ENPP6: variants seen among roughly 807,000 people sequenced by gnomAD.
ENPP6 encodes glycerophosphocholine cholinephosphodiesterase ENPP6.
In ENPP6, 32 loss-of-function variants were observed where a neutral mutation model predicts 42.0. That is an observed-to-expected ratio of 0.76 (90% CI 0.58 to 1.02). The LOEUF (loss-of-function observed/expected upper bound fraction) is 1.02. Among genes scored for constraint, ENPP6 ranks in the 50% least tolerant of loss-of-function variants. ENPP6 has a pLI of 0.00. For missense variants in ENPP6, 552 were observed against 566.8 expected, an observed-to-expected ratio of 0.97 and a Z score of 0.27; for synonymous variants, 213 against 216.0, an observed-to-expected ratio of 0.99 and a Z score of 0.12.
intron 2 of ENPP6, among the ~76,000 whole-genome samples, chr4:184,131,876 T>C (rs1736642624): frequency 6.6e-6 from 1 of 151,794 alleles, no homozygotes; most frequent in Non-Finnish European, 1.5e-5. Context: ...TCCACAATTA[T>C]GGAGGCTGAG....
intron 6 of ENPP6, among the ~76,000 whole-genome samples, chr4:184,101,957 C>G (rs924206150): frequency 6.6e-6 from 1 of 152,188 alleles, no homozygotes; most frequent in African/African-American, 2.4e-5. Flanking sequence ...GCTTTCCTGC[C>G]GGTGCCTGCA....
rs763687998 is a variant in ENPP6, at chr4:184,124,181, G to T, written c.513C>A (p.Ser171Arg). ...CTTACTTGAAGGAGTCAAGAGCATC[G>T]CTGACTGCATTGGCAAAATTGATAT... is the stretch of plus-strand genomic sequence containing the variant. ...PTDINFANAV[S>R]DALDSFKSGR... is the part of the protein sequence containing the mutation. Residue 171 changes from serine (S) to arginine (R), a missense_variant, in exon 3 of 8, where the codon AGC (serine) becomes AGA (arginine). Transcript: ENST00000296741. 3 of 1,613,596 alleles carry T rather than the reference G, an allele frequency of 1.9e-6. No homozygotes were observed. The highest frequency in any genetic ancestry group is 4.5e-5 in the East Asian group (2 of 44,876).
chr4:184,149,143 A>T (rs1736975793), intron 2 of ENPP6, among the ~76,000 whole-genome samples: 1 of 152,234 alleles, frequency 6.6e-6, no homozygotes, highest in Non-Finnish European at 1.5e-5. Context: ...CCTGAAAAAA[A>T]TTCCAGTTTT....
intron 2 of ENPP6, among the ~76,000 whole-genome samples, chr4:184,134,131 G>GATTGATTTATTTATTT (rs139499837): frequency 4.1e-5 from 6 of 147,188 alleles, no homozygotes; most frequent in East Asian, 2.0e-4. Flanking sequence ...TTATGGAAGT[G>GATTGATTTATTTATTT]ATTTATTTAT....
intron 1 of ENPP6, among the ~76,000 whole-genome samples, chr4:184,194,116 A>C (rs1480844394): frequency 6.6e-6 from 1 of 152,004 alleles, no homozygotes; most frequent in African/African-American, 2.4e-5. Flanking sequence ...CTTTCTTACC[A>C]TCATGGTCCC....
At chr4:184,209,828 G>A (rs541084647) in intron 1 of ENPP6, among the ~76,000 whole-genome samples, 1,664 of 144,558 alleles carry the variant, frequency 0.012, 29 homozygotes, top group South Asian at 0.088. Context: ...GTTAAGGGCA[G>A]CCAGAGAGAA....
chr4:184,205,463 C>T (rs76130805), intron 1 of ENPP6, among the ~76,000 whole-genome samples: 7,980 of 152,246 alleles, frequency 0.052, 698 homozygotes, highest in African/African-American at 0.18. Context: ...TCAAGCACGC[C>T]CAGCGGGACA....
intron 1 of ENPP6, among the ~76,000 whole-genome samples, chr4:184,203,607 A>G (rs934761291): frequency 2.6e-5 from 4 of 152,214 alleles, no homozygotes; most frequent in Admixed American, 6.5e-5. Context: ...GGAGTGATGT[A>G]TCTACCGGCC....
intron 6 of ENPP6, among the ~76,000 whole-genome samples, chr4:184,101,431 G>A (rs1360182668): frequency 6.6e-6 from 1 of 151,494 alleles, no homozygotes; most frequent in African/African-American, 2.4e-5. Context: ...GGGTGGGGTC[G>A]CTCCAAGGGT....
rs1160646402 is a variant in ENPP6 at position 184,205,414 on chromosome 4, G to T, written c.241+12165C>A. On this transcript the variant is annotated intron_variant, in intron 1 of 7. Coordinates refer to ENST00000296741, the MANE Select transcript of ENPP6 (RefSeq NM_153343.4). ...GATGCCCAGCTTGGGCCTTTCTGGG[G>T]AACAAGCAGAAGGGAAGCAGCCAGG... Among the ~76,000 whole-genome samples the T allele has an allele frequency of 2.0e-5, 3 of 152,252 alleles. 1 individual carries two copies. The East Asian group carries it at 5.8e-4, about 29-fold the overall frequency.
chr4:184,131,386 C>T (rs1736630692), intron 2 of ENPP6, among the ~76,000 whole-genome samples: 1 of 148,454 alleles, frequency 6.7e-6, no homozygotes, highest in Non-Finnish European at 1.5e-5. Flanking sequence ...TGGAGTCTCC[C>T]TCTGTCGCCC....
intron 3 of ENPP6, among the ~76,000 whole-genome samples, chr4:184,122,335 T>C (rs1033577810): frequency 5.1e-4 from 77 of 152,176 alleles, no homozygotes; most frequent in African/African-American, 1.8e-3. Flanking sequence ...GACCCTTTCC[T>C]GGGCTTCCGG....
chr4:184,179,281 G>A (rs890565193), intron 1 of ENPP6, among the ~76,000 whole-genome samples: 1 of 152,052 alleles, frequency 6.6e-6, no homozygotes, highest in African/African-American at 2.4e-5. Context: ...GACAAACAGG[G>A]GCATTATATA....
At chr4:184,198,791 T>C (rs1314486438) in intron 1 of ENPP6, among the ~76,000 whole-genome samples, 1 of 152,196 alleles carries the variant, frequency 6.6e-6, no homozygotes, top group Non-Finnish European at 1.5e-5. Context: ...ATATTGCAAA[T>C]AGGTAAGTAA....
chr4:184,130,684 T>C (rs1736589662), intron 2 of ENPP6, among the ~76,000 whole-genome samples: 1 of 149,838 alleles, frequency 6.7e-6, no homozygotes, highest in East Asian at 1.9e-4. Flanking sequence ...CAGTCTAAAC[T>C]ACATTCTATA....
chr4:184,183,589 T>G (rs1465001276), intron 1 of ENPP6, among the ~76,000 whole-genome samples: 2 of 152,202 alleles, frequency 1.3e-5, no homozygotes, highest in East Asian at 1.9e-4. Flanking sequence ...GTCAGTGGTG[T>G]TCCTTCTTTC....
intron 1 of ENPP6, among the ~76,000 whole-genome samples, chr4:184,155,356 C>G (rs1737139975): frequency 6.6e-6 from 1 of 152,194 alleles, no homozygotes; most frequent in Admixed American, 6.5e-5. Flanking sequence ...CATCCTTTCA[C>G]AAGGCAAAAT....
At chr4:184,188,137 C>G (rs1191310788) in intron 1 of ENPP6, among the ~76,000 whole-genome samples, 1 of 152,166 alleles carries the variant, frequency 6.6e-6, no homozygotes, top group African/African-American at 2.4e-5. Context: ...GAAGACCATT[C>G]CAGGACAGAG....
chr4:184,153,100 A>T (rs759366864), intron 2 of ENPP6, among the ~76,000 whole-genome samples: 2 of 151,200 alleles, frequency 1.3e-5, no homozygotes, highest in Non-Finnish European at 2.9e-5. Flanking sequence ...TTTTTCAAAA[A>T]TGTGCCCATA....
Sources: gnomAD v4.1 joint callset for allele counts (sites outside exome capture counted in the v4.1 genomes callset) on GRCh38, gnomAD v4.1.1 for gene constraint, MANE v1.5 for transcripts, NCBI Gene and HGNC (gene_info 2026-07-23, HGNC 2026-07-21) for gene names.